Variants in PRAG1 observed in about 807,000 individuals in gnomAD.
The protein encoded by PRAG1 is inactive tyrosine-protein kinase PRAG1.
Under a neutral mutation model 95.6 loss-of-function variants are expected in PRAG1, and 110 were observed. The observed-to-expected ratio is 1.15, with a 90% CI of 0.99 to 1.35. The LOEUF is 1.35. Among genes scored for constraint, PRAG1 ranks in the 40% most tolerant of loss-of-function variants. The probability of loss-of-function intolerance (pLI) is 0.00; values close to 1 mark genes in which losing one functional copy is unlikely to be tolerated. For missense variants in PRAG1, 2,554 were observed against 1,864.7 expected (o/e 1.37, Z -6.81); for synonymous variants, 1,052 against 819.4 (o/e 1.28, Z -4.85).
At chr8:8,363,477 G>C (rs1799910419) in intron 3 of PRAG1, among the ~76,000 whole-genome samples, 1 of 152,114 alleles carries the variant, frequency 6.6e-6, no homozygotes, top group South Asian at 2.1e-4. Context: ...AAAAAGACAA[G>C]TACTGGATGA....
chr8:8,319,415 G>C (rs1798404067), intron 5 of PRAG1, 113 bp from the exon 6 acceptor site: 2 of 791,686 alleles, frequency 2.5e-6, no homozygotes, highest in Non-Finnish European at 3.7e-6. Context: ...ATAGGCTTAA[G>C]GGTAAGAGCA....
At chr8:8,355,064 G>T (rs1020940040) in intron 3 of PRAG1, among the ~76,000 whole-genome samples, 1 of 108,818 alleles carries the variant, frequency 9.2e-6, no homozygotes. Context: ...AAATGAATTC[G>T]GTAAAGTTGC....
Position 8,327,828 on chromosome 8 carries a change from T to C in PRAG1, c.2954A>G (p.Asn985Ser). The change falls in exon 5 of 6, where the codon AAT (asparagine) becomes AGT (serine). Residue 985 changes from asparagine to serine, a missense_variant. Physicochemically the swap from Asn to Ser is conservative, Grantham distance 46. Transcript: ENST00000615670. Reference sequence around the variant, plus strand: ...CTTGAAGAGCGACCAGTTATTCTCATTGAAGTGGAGCTCCTTTTTCTGGCC... The same window carrying C: ...CTTGAAGAGCGACCAGTTATTCTCACTGAAGTGGAGCTCCTTTTTCTGGCC... ...MGGQKKELHF[N>S]ENNWSLFKLT... The C allele has an allele frequency of 6.2e-7, 1 of 1,614,212 alleles. No individual in the cohort carries two copies. The highest frequency in any genetic ancestry group is 8.5e-7 in the Non-Finnish European group (1 of 1,180,040).
intron 3 of PRAG1, among the ~76,000 whole-genome samples, chr8:8,375,232 C>G (rs1249059255): frequency 9.2e-6 from 1 of 108,468 alleles, no homozygotes; most frequent in African/African-American, 4.0e-5. Context: ...TTGAGACAGT[C>G]TCACTCTGTC....
At chr8:8,336,558 A>G (rs895888121) in intron 4 of PRAG1, among the ~76,000 whole-genome samples, 2 of 152,246 alleles carry the variant, frequency 1.3e-5, no homozygotes, top group Non-Finnish European at 2.9e-5. Flanking sequence ...GTAATCTGAT[A>G]CAAGTATAAA....
intron 5 of PRAG1, 107 bp from the exon 6 acceptor site, chr8:8,319,409 G>C (rs1798403790): frequency 2.2e-6 from 2 of 905,420 alleles, no homozygotes; most frequent in Admixed American, 3.0e-5. Context: ...ATCCACATAG[G>C]CTTAAGGGTA....
chr8:8,378,208 G>C (rs533276199), intron 2 of PRAG1, 130 bp from the exon 3 acceptor site: 2 of 1,079,630 alleles, frequency 1.9e-6, no homozygotes, highest in East Asian at 5.3e-5. Flanking sequence ...GGGGCGCTGG[G>C]GCCGGGGACT....
At chr8:8,324,934 A>G (rs1310821063) in intron 5 of PRAG1, among the ~76,000 whole-genome samples, 2 of 152,160 alleles carry the variant, frequency 1.3e-5, no homozygotes, top group Non-Finnish European at 2.9e-5. Flanking sequence ...TCACTGCTGC[A>G]GGGCGCTGAG....
chr8:8,327,303 C>T (rs1798661036), intron 5 of PRAG1, among the ~76,000 whole-genome samples: 1 of 152,302 alleles, frequency 6.6e-6, no homozygotes, highest in African/African-American at 2.4e-5. Context: ...GGGGTGGTGG[C>T]TCACACCTGT....
At chr8:8,357,881 C>T (rs1371755564) in intron 3 of PRAG1, among the ~76,000 whole-genome samples, 1 of 152,216 alleles carries the variant, frequency 6.6e-6, no homozygotes, top group African/African-American at 2.4e-5. Flanking sequence ...TGTCACAATA[C>T]AAAATACTTC....
chr8:8,384,874 G>GA (rs1468669962), intron 1 of PRAG1, among the ~76,000 whole-genome samples: 11 of 152,012 alleles, frequency 7.2e-5, no homozygotes, highest in Non-Finnish European at 1.3e-4. Flanking sequence ...TGTCAGATTA[G>GA]AAAAAAGAGC....
At chr8:8,374,786 GA>G (rs1800324360) in intron 3 of PRAG1, 5 of 782,338 alleles carry the variant, frequency 6.4e-6, no homozygotes, top group Non-Finnish European at 7.8e-6. Flanking sequence ...GTGGTCATGA[GA>G]AAAAAACCCA....
chr8:8,346,109 G>C (rs566318955), intron 3 of PRAG1, among the ~76,000 whole-genome samples: 2 of 152,312 alleles, frequency 1.3e-5, no homozygotes, highest in South Asian at 2.1e-4. Flanking sequence ...GAGGCCAAAA[G>C]ACAATGAGTG....
chr8:8,384,840 C>G (rs1203217381), intron 1 of PRAG1, among the ~76,000 whole-genome samples: 2 of 152,122 alleles, frequency 1.3e-5, no homozygotes, highest in Non-Finnish European at 2.9e-5. Flanking sequence ...TGCAAATCCT[C>G]CCCATTTCAG....
Position 8,319,137 on chromosome 8 carries a change from G to A in PRAG1, c.3238C>T (p.Pro1080Ser), listed in dbSNP as rs765918255. 6.2e-7 allele frequency: 1 copy of A among 1,605,842 alleles called. No individual in the cohort carries two copies. Among genetic ancestry groups the A allele is most frequent in the African/African-American group, 1.3e-5 (1 of 74,836 alleles). Residue 1080 changes from proline (P) to serine (S), a missense_variant, in exon 6 of 6, where the codon CCC becomes TCC. Physicochemically the swap from Pro to Ser is moderately conservative, Grantham distance 74. Coordinates refer to ENST00000615670, the MANE Select transcript of PRAG1 (RefSeq NM_001080826.3). Reference sequence around the variant, plus strand: ...ACGCAGTCCTGCTCCTGGGCAGGGGGGTGTGTGGGCAGGGCAGGCACAGGG... The same window carrying A: ...ACGCAGTCCTGCTCCTGGGCAGGGGAGTGTGTGGGCAGGGCAGGCACAGGG... ...KDPVPALPTH[P>S]PAQEQDCVVV...
intron 3 of PRAG1, among the ~76,000 whole-genome samples, chr8:8,369,444 T>C (rs1195128475): frequency 1.3e-5 from 2 of 152,214 alleles, no homozygotes; most frequent in South Asian, 2.1e-4. Flanking sequence ...GGTTTTAGGA[T>C]ACACTGCATT....
In PRAG1 at chr8:8,381,753, G is replaced by C; in HGVS notation, c.-6C>G. On this transcript the variant is annotated 5_prime_UTR_variant, in exon 2 of 6. Transcript: ENST00000615670. Reference sequence around the variant, plus strand: ...AGGCAGAGGGTCTGGTGCATCTTGAGCCGACAGGGTGCTGGTTCATCTTGC... The same window carrying C: ...AGGCAGAGGGTCTGGTGCATCTTGACCCGACAGGGTGCTGGTTCATCTTGC... The C allele has an allele frequency of 6.4e-7, 1 of 1,570,006 alleles. No individual in the cohort carries two copies. Among genetic ancestry groups the C allele is most frequent in the Non-Finnish European group, 8.7e-7 (1 of 1,153,540 alleles).
chr8:8,369,065 G>T (rs1800107109), intron 3 of PRAG1, among the ~76,000 whole-genome samples: 1 of 152,054 alleles, frequency 6.6e-6, no homozygotes, highest in South Asian at 2.1e-4. Flanking sequence ...ATTAACCTTA[G>T]CTTCTTAGCC....
chr8:8,379,351 A>G lies in PRAG1; in HGVS notation c.331-1273T>C, dbSNP rs374690893. ...CACCGTTTCCTCCTCCTTCTGGTCT[A>G]AAGTCCTCCTTTACCCCCACTTTTA... is the stretch of plus-strand genomic sequence containing the variant. On this transcript the variant is annotated intron_variant, in intron 2 of 5. Transcript: ENST00000615670. Among the ~76,000 whole-genome samples, 145 of 152,300 alleles carry G rather than the reference A, an allele frequency of 9.5e-4. 1 individual carries two copies. In the South Asian group the frequency reaches 0.03, roughly 31 times the overall value.
Sources: allele counts gnomAD v4.1 joint callset (sites outside exome capture counted in the v4.1 genomes callset), GRCh38; gene constraint gnomAD v4.1.1; transcripts MANE v1.5; gene names NCBI Gene and HGNC (gene_info 2026-07-23, HGNC 2026-07-21).